Variants in IFT81 observed in about 807,000 individuals in gnomAD.
IFT81 encodes intraflagellar transport 81.
In IFT81, 72 loss-of-function variants were observed where a neutral mutation model predicts 102.6. The ratio of observed to expected loss-of-function variants is 0.70; its 90% CI spans 0.58 to 0.85. The LOEUF (loss-of-function observed/expected upper bound fraction) is 0.85, where lower values mean the gene tolerates loss of function less well. Ranked by LOEUF, IFT81 falls within the 40% of genes least tolerant of loss-of-function variation. IFT81 has a pLI of 0.00. For synonymous variants in IFT81, 237 were observed against 242.7 expected (o/e 0.98, Z 0.22); for missense variants, 723 against 787.3 (o/e 0.92, Z 0.98).
intron 14 of IFT81, 185 bp from the exon 15 acceptor site, chr12:110,203,679 A>G (rs879657119): frequency 1.8e-5 from 11 of 603,048 alleles, no homozygotes; most frequent in Non-Finnish European, 3.3e-5. Context: ...CATGGTAGCT[A>G]TTATTATTAT....
chr12:110,167,229 TCCCC>T (rs1294201300), intron 11 of IFT81, among the ~76,000 whole-genome samples: 1 of 152,040 alleles, frequency 6.6e-6, no homozygotes, highest in Admixed American at 6.6e-5. Context: ...TGGAAGTACT[TCCCC>T]CCCATTGTAC....
chr12:110,208,632 T>C (rs1461198070), intron 17 of IFT81, among the ~76,000 whole-genome samples: 1 of 152,252 alleles, frequency 6.6e-6, no homozygotes, highest in Admixed American at 6.5e-5. Context: ...TCAATAGATA[T>C]GCCATAATTT....
At chr12:110,188,778 A>G in intron 12 of IFT81, among the ~76,000 whole-genome samples, 1 of 151,628 alleles carries the variant, frequency 6.6e-6, no homozygotes, top group East Asian at 1.9e-4. Context: ...CAAAAAAAAA[A>G]AAAAATTAGG....
At chr12:110,191,112 GTTTTA>G (rs1897778202) in intron 13 of IFT81, 64 bp downstream of exon 13, 7 of 1,357,238 alleles carry the variant, frequency 5.2e-6, no homozygotes, top group Non-Finnish European at 2.0e-6. Context: ...TTTTGTGTTA[GTTTTA>G]TTTTCAGTGA....
intron 12 of IFT81, among the ~76,000 whole-genome samples, chr12:110,185,718 C>A (rs1032023481): frequency 2.0e-5 from 3 of 152,018 alleles, no homozygotes; most frequent in Non-Finnish European, 2.9e-5. Context: ...GTGATTCTCC[C>A]AAGTACCTGG....
intron 11 of IFT81, chr12:110,169,080 C>CCTCT (rs1306529457): frequency 1.8e-5 from 2 of 110,366 alleles, no homozygotes; most frequent in African/African-American, 3.2e-5. Flanking sequence ...TTCCTTCCTT[C>CCTCT]CTCTCTCTCT....
Position 110,129,130 on chromosome 12 carries a change from G to A in IFT81, c.429G>A (p.Gln143=). ...QDETVADTNK[Q]YEELMEAFKT... ...AAACTGTGGCTGACACCAATAAACA[G>A]GTAAACAATACATAAATGGTACATT... The change falls in exon 4 of 19, where the codon CAG becomes CAA. Residue 143 remains glutamine, a splice_region_variant and synonymous_variant. Transcript: ENST00000242591. The A allele has an allele frequency of 1.3e-6, 2 of 1,579,792 alleles. No homozygotes were observed. The highest frequency in any genetic ancestry group is 1.4e-5 in the African/African-American group (1 of 72,688).
chr12:110,137,007 G>C (rs1042018552), intron 8 of IFT81, 147 bp downstream of exon 8: 4 of 540,946 alleles, frequency 7.4e-6, no homozygotes, highest in Admixed American at 3.3e-5. Flanking sequence ...GAGAAGGAGA[G>C]CCCTGATAAA....
intron 17 of IFT81, among the ~76,000 whole-genome samples, chr12:110,208,773 A>G (rs1314733616): frequency 3.9e-5 from 6 of 152,184 alleles, no homozygotes. Flanking sequence ...ATGACTTCCT[A>G]GAAGTAGAAT....
chr12:110,203,163 G>A (rs905428934), intron 14 of IFT81, among the ~76,000 whole-genome samples: 3 of 152,186 alleles, frequency 2.0e-5, no homozygotes, highest in Admixed American at 6.5e-5. Context: ...CTGCTTTGGA[G>A]TCTGAGGCAG....
intron 4 of IFT81, among the ~76,000 whole-genome samples, chr12:110,131,682 T>C (rs1485891125): frequency 6.6e-6 from 1 of 152,094 alleles, no homozygotes; most frequent in Non-Finnish European, 1.5e-5. Flanking sequence ...CCTCCATGGG[T>C]TATGCACTGT....
chr12:110,188,858 G>A lies in IFT81; in HGVS notation c.1339-2062G>A, dbSNP rs548058837. 1.2e-3 allele frequency among the ~76,000 whole-genome samples: 187 copies of A among 151,756 alleles called. 1 individual carries two copies. The highest frequency in any genetic ancestry group is 2.0e-3 in the Non-Finnish European group (137 of 67,960). On this transcript the variant is annotated intron_variant, in intron 12 of 18. Coordinates refer to ENST00000242591, the MANE Select transcript of IFT81 (RefSeq NM_014055.4). ...GCAGGAGAATCGCTTGAACCCGGGA[G>A]TCGGAGGTTGCAGTGAGCCAAGATC...
chr12:110,139,797 A>G (rs930413254), intron 8 of IFT81, among the ~76,000 whole-genome samples: 9 of 146,744 alleles, frequency 6.1e-5, no homozygotes, highest in African/African-American at 2.1e-4. Context: ...ACATACATAC[A>G]TACAATAAAA....
intron 10 of IFT81, among the ~76,000 whole-genome samples, chr12:110,157,174 C>G (rs768623998): frequency 6.6e-6 from 1 of 151,874 alleles, no homozygotes; most frequent in African/African-American, 2.4e-5. Context: ...ATGGTGAAAC[C>G]CCGTCTCTAC....
intron 11 of IFT81, 101 bp downstream of exon 11, chr12:110,163,166 T>C (rs1896236321): frequency 1.2e-6 from 1 of 802,932 alleles, no homozygotes; most frequent in Admixed American, 2.7e-5. Flanking sequence ...TATTGGGACG[T>C]TAATCTTATT....
intron 18 of IFT81, among the ~76,000 whole-genome samples, chr12:110,209,434 A>G (rs190858211): frequency 5.6e-4 from 85 of 152,350 alleles, no homozygotes; most frequent in African/African-American, 2.0e-3. Flanking sequence ...CTATTTTTAA[A>G]TCACAGAGAG....
chr12:110,159,236 A>G (rs558225968), intron 10 of IFT81, among the ~76,000 whole-genome samples: 5 of 152,266 alleles, frequency 3.3e-5, no homozygotes, highest in Non-Finnish European at 4.4e-5. Flanking sequence ...TGGGAGACCA[A>G]GATGTGTGGT....
At chr12:110,132,333 G>A (rs868766276) in intron 4 of IFT81, among the ~76,000 whole-genome samples, 5 of 151,858 alleles carry the variant, frequency 3.3e-5, no homozygotes, top group African/African-American at 7.3e-5. Context: ...GGTGGCGCGC[G>A]CATGTAATCC....
intron 1 of IFT81, among the ~76,000 whole-genome samples, chr12:110,125,067 T>A (rs1465297274): frequency 6.6e-6 from 1 of 152,214 alleles, no homozygotes; most frequent in African/African-American, 2.4e-5. Flanking sequence ...GGAAACGTTG[T>A]ACTAGTTTAT....
Sources: allele counts gnomAD v4.1 joint callset (sites outside exome capture counted in the v4.1 genomes callset), GRCh38; gene constraint gnomAD v4.1.1; transcripts MANE v1.5; gene names NCBI Gene and HGNC (gene_info 2026-07-23, HGNC 2026-07-21).